The following OTUD7A variants were observed in gnomAD, a reference collection of about 807,000 sequenced individuals.
OTUD7A encodes OTU deubiquitinase 7A.
In OTUD7A, 12 loss-of-function variants were observed where a neutral mutation model predicts 65.7. The ratio of observed to expected loss-of-function variants is 0.18; its 90% CI spans 0.12 to 0.30. OTUD7A has a LOEUF of 0.30. Ranked by LOEUF, OTUD7A falls within the 10% of genes least tolerant of loss-of-function variation. OTUD7A has a pLI of 1.00. For missense variants in OTUD7A, 1,148 were observed against 1,304.8 expected (o/e 0.88, Z 1.85); for synonymous variants, 641 against 586.3 (o/e 1.09, Z -1.35).
chr15:31,630,814 T>G (rs375470250), intron 3 of OTUD7A, among the ~76,000 whole-genome samples: 1 of 152,274 alleles, frequency 6.6e-6, no homozygotes, highest in Non-Finnish European at 1.5e-5. Context: ...GCTCTTCTTG[T>G]TGAATTGATC....
At chr15:31,616,833 C>T (rs1394413289) in intron 3 of OTUD7A, among the ~76,000 whole-genome samples, 4 of 152,044 alleles carry the variant, frequency 2.6e-5, no homozygotes, top group African/African-American at 7.2e-5. Flanking sequence ...CATGAGCCAC[C>T]GTGCCCAACC....
intron 1 of OTUD7A, among the ~76,000 whole-genome samples, chr15:31,769,549 T>C (rs1208599051): frequency 6.6e-6 from 1 of 152,228 alleles, no homozygotes; most frequent in Non-Finnish European, 1.5e-5. Flanking sequence ...AATCCCAAAC[T>C]AGAACCTCCC....
At chr15:31,540,785 C>G (rs528019823) in intron 5 of OTUD7A, among the ~76,000 whole-genome samples, 1 of 152,068 alleles carries the variant, frequency 6.6e-6, no homozygotes, top group East Asian at 1.9e-4. Flanking sequence ...TTAAAAGGTA[C>G]CTTTATACAC....
chr15:31,618,046 G>T (rs1435946551), intron 3 of OTUD7A, among the ~76,000 whole-genome samples: 1 of 151,826 alleles, frequency 6.6e-6, no homozygotes, highest in Non-Finnish European at 1.5e-5. Flanking sequence ...TTTTGTTCTT[G>T]TGATAGTTTG....
intron 3 of OTUD7A, among the ~76,000 whole-genome samples, chr15:31,595,959 G>A (rs1026448515): frequency 1.4e-4 from 22 of 151,952 alleles, no homozygotes; most frequent in Admixed American, 2.6e-4. Context: ...TTCAAGTCTC[G>A]GTGACCTCTT....
intron 3 of OTUD7A, among the ~76,000 whole-genome samples, chr15:31,652,862 C>T (rs1443218125): frequency 6.6e-6 from 1 of 152,178 alleles, no homozygotes; most frequent in Admixed American, 6.5e-5. Flanking sequence ...GCAGCTGGAG[C>T]TCTCAGGCAC....
At chr15:31,524,112 A>T (rs961532343) in intron 8 of OTUD7A, among the ~76,000 whole-genome samples, 7 of 151,390 alleles carry the variant, frequency 4.6e-5, no homozygotes, top group Admixed American at 3.9e-4. Flanking sequence ...TTCCTATTGC[A>T]TATGCTCTGT....
At chr15:31,735,760 T>C (rs1894172984) in intron 1 of OTUD7A, among the ~76,000 whole-genome samples, 2 of 152,206 alleles carry the variant, frequency 1.3e-5, no homozygotes. Context: ...CACATGCACC[T>C]ATATGTTCAT....
At chr15:31,592,181 T>C (rs1042781841) in intron 3 of OTUD7A, among the ~76,000 whole-genome samples, 3 of 152,192 alleles carry the variant, frequency 2.0e-5, no homozygotes, top group African/African-American at 7.2e-5. Flanking sequence ...TCAGAAACAC[T>C]GTACAAGTAG....
chr15:31,484,467 G>A lies in OTUD7A; in HGVS notation c.1629C>T (p.Gly543=), dbSNP rs770943741. Residue 543 remains glycine (G), a synonymous_variant, in exon 13 of 13, where the codon GGC becomes GGT. Coordinates refer to ENST00000307050, the MANE Select transcript of OTUD7A (RefSeq NM_001382637.1). The surrounding 1 kb of genome is among the most constrained non-coding windows in gnomAD (Gnocchi z 4.5). ...GGCCCATCTTGCCGTGCACCAGGCC[G>A]CCGAGGCCGCCCATGTTTTTCTTCA... The part of the protein sequence containing the change: ...IKLKKNMGGL[G]GLVHGKMGRA... 2 of 1,605,624 alleles carry A rather than the reference G, an allele frequency of 1.2e-6. No individual in the cohort carries two copies. Among genetic ancestry groups the A allele is most frequent in the East Asian group, 2.2e-5 (1 of 44,858 alleles).
At chr15:31,862,264 G>A (rs561387665) in intron 1 of OTUD7A, among the ~76,000 whole-genome samples, 10 of 152,302 alleles carry the variant, frequency 6.6e-5, no homozygotes, top group Admixed American at 6.5e-4. Context: ...CCTGCCCAAT[G>A]AGCCCTTGTA....
chr15:31,802,738 T>C (rs1423371965), intron 1 of OTUD7A, among the ~76,000 whole-genome samples: 1 of 152,242 alleles, frequency 6.6e-6, no homozygotes, highest in Admixed American at 6.5e-5. Context: ...GACCGGCTTA[T>C]TTTATAGAAA....
At chr15:31,634,457 A>G (rs1891276741) in intron 3 of OTUD7A, among the ~76,000 whole-genome samples, 1 of 152,096 alleles carries the variant, frequency 6.6e-6, no homozygotes, top group Admixed American at 6.5e-5. Context: ...TACACAGCAT[A>G]CATGTCCCTG....
chr15:31,861,253 G>T (rs1897734062), intron 1 of OTUD7A, among the ~76,000 whole-genome samples: 1 of 152,092 alleles, frequency 6.6e-6, no homozygotes, highest in Non-Finnish European at 1.5e-5. Flanking sequence ...CCAGAATGAG[G>T]CCTCCTCTAG....
At chr15:31,737,886 A>G (rs546221214) in intron 1 of OTUD7A, among the ~76,000 whole-genome samples, 4 of 152,348 alleles carry the variant, frequency 2.6e-5, no homozygotes, top group South Asian at 4.1e-4. Context: ...GTAGGGAATC[A>G]TGGACAGTCA....
intron 1 of OTUD7A, among the ~76,000 whole-genome samples, chr15:31,851,514 C>T (rs1156748081): frequency 6.6e-5 from 10 of 152,212 alleles, no homozygotes; most frequent in Admixed American, 2.6e-4. Context: ...AAGATCAAGA[C>T]GGCTAATTTT....
At chr15:31,559,946 T>C (rs1332209058) in intron 4 of OTUD7A, among the ~76,000 whole-genome samples, 1 of 152,208 alleles carries the variant, frequency 6.6e-6, no homozygotes, top group Non-Finnish European at 1.5e-5. Context: ...CACCACCACC[T>C]GGTATGTGGC....
Position 31,682,084 on chromosome 15 carries a change from G to A in OTUD7A, c.-99-25007C>T, listed in dbSNP as rs2654122. Among the ~76,000 whole-genome samples, 124 of 152,274 alleles carry A rather than the reference G, an allele frequency of 8.1e-4. 1 individual carries two copies. The highest frequency in any genetic ancestry group is 2.8e-3 in the African/African-American group (115 of 41,542). On this transcript the variant is annotated intron_variant, in intron 1 of 12. Transcript: ENST00000307050. ...CAGAGGACTGGGGATTTTGCAAAGT[G>A]GAGGGCTGAGCTCCATGTAATTGGG... is the stretch of plus-strand genomic sequence containing the variant.
intron 1 of OTUD7A, among the ~76,000 whole-genome samples, chr15:31,861,534 G>C (rs1256238986): frequency 6.6e-6 from 1 of 152,164 alleles, no homozygotes; most frequent in Non-Finnish European, 1.5e-5. Context: ...TTCCAGAACA[G>C]GCAGAGGACC....
Sources: allele counts gnomAD v4.1 joint callset (sites outside exome capture counted in the v4.1 genomes callset), GRCh38; gene constraint gnomAD v4.1.1; non-coding constraint Gnocchi (gnomAD v3.1); transcripts MANE v1.5; gene names NCBI Gene and HGNC (gene_info 2026-07-23, HGNC 2026-07-21).